The following DCT variants were observed in gnomAD, a reference collection of about 807,000 sequenced individuals.
DCT encodes the protein dopachrome tautomerase, also known as L-dopachrome tautomerase.
A neutral mutation model predicts 53.0 loss-of-function variants in DCT; 47 were observed. That is an observed-to-expected ratio of 0.89 (90% CI 0.70 to 1.13). The LOEUF is 1.13. DCT is among the 50% of genes most tolerant of loss of function. The pLI is 0.00. For synonymous variants in DCT, 244 were observed against 237.0 expected, an observed-to-expected ratio of 1.03 and a Z score of -0.27; for missense variants, 669 against 637.4, an observed-to-expected ratio of 1.05 and a Z score of -0.53.
the DCT span, among the ~76,000 whole-genome samples, chr13:94,540,896 C>A: frequency 6.6e-6 from 1 of 152,158 alleles, no homozygotes; most frequent in Non-Finnish European, 1.5e-5. Flanking sequence ...CAGACTCAAT[C>A]TAAGTGTCCA....
chr13:94,505,505 A>T, the DCT span, among the ~76,000 whole-genome samples: 1 of 152,226 alleles, frequency 6.6e-6, no homozygotes, highest in Non-Finnish European at 1.5e-5. Context: ...TTAGAAAAAC[A>T]AATGTACCTA....
At chr13:94,472,876 C>T (rs181282303) in intron 1 of DCT, among the ~76,000 whole-genome samples, 1 of 151,866 alleles carries the variant, frequency 6.6e-6, no homozygotes, top group African/African-American at 2.4e-5. Context: ...GCCACCGCAC[C>T]CTGCCGTGAG....
chr13:94,464,397 T>A (rs576122994), intron 4 of DCT, among the ~76,000 whole-genome samples: 1 of 152,282 alleles, frequency 6.6e-6, no homozygotes, highest in Admixed American at 6.5e-5. Flanking sequence ...CTCAGCACTT[T>A]GGGAGGCCAA....
chr13:94,487,186 T>A, the DCT span, among the ~76,000 whole-genome samples: 1 of 152,204 alleles, frequency 6.6e-6, no homozygotes, highest in Non-Finnish European at 1.5e-5. Context: ...TGGTTACCAA[T>A]GGAAGCCATC....
chr13:94,501,634 C>CAGAGAGAG, the DCT span, among the ~76,000 whole-genome samples: 12 of 148,712 alleles, frequency 8.1e-5, no homozygotes, highest in African/African-American at 1.5e-4. Flanking sequence ...AAGACAGAGA[C>CAGAGAGAG]AGAGAGAGAG....
intron 6 of DCT, among the ~76,000 whole-genome samples, chr13:94,451,254 C>T (rs1883067760): frequency 6.6e-6 from 1 of 152,164 alleles, no homozygotes; most frequent in Non-Finnish European, 1.5e-5. Context: ...TAAATACATG[C>T]TCACAATGAA....
intron 6 of DCT, among the ~76,000 whole-genome samples, chr13:94,446,381 G>A (rs1017675553): frequency 2.6e-5 from 4 of 152,118 alleles, no homozygotes; most frequent in African/African-American, 9.7e-5. Context: ...AGGTGGGTGG[G>A]GCCTGCAAGC....
At chr13:94,540,748 A>G in the DCT span, among the ~76,000 whole-genome samples, 1 of 152,182 alleles carries the variant, frequency 6.6e-6, no homozygotes, top group African/African-American at 2.4e-5. Flanking sequence ...AGGGTCCTCA[A>G]AAAACAAAAA....
At chr13:94,514,849 T>A in the DCT span, among the ~76,000 whole-genome samples, 1 of 152,214 alleles carries the variant, frequency 6.6e-6, no homozygotes, top group Non-Finnish European at 1.5e-5. Flanking sequence ...CAAAGACTAC[T>A]CTGATGACAG....
At position 94,466,649 on chromosome 13, in the gene DCT, C is replaced by A; in HGVS notation, c.605G>T (p.Arg202Leu). ...SVRDTLLGPG[R>L]PYRAIDFSHQ... The stretch of plus-strand genomic sequence containing the variant: ...TGAGAAATCTATGGCCCTGTAGGGG[C>A]GTCCTGGTCCTGAAACAATTGGGAA... The change falls in exon 3 of 8, where the codon CGC becomes CTC. Residue 202 changes from arginine (R) to leucine (L), a missense_variant. Transcript: ENST00000377028. The A allele has an allele frequency of 6.3e-7, 1 of 1,593,634 alleles. No homozygotes were observed. Among genetic ancestry groups the A allele is most frequent in the Non-Finnish European group, 8.5e-7 (1 of 1,172,286 alleles).
intron 6 of DCT, 134 bp from the exon 7 acceptor site, chr13:94,443,771 C>A (rs1882524946): frequency 7.4e-6 from 5 of 672,528 alleles, no homozygotes; most frequent in Middle Eastern, 4.1e-4. Flanking sequence ...TGTGGAATAC[C>A]CCCTTCTGTG....
chr13:94,471,261 G>A (rs1884628448), intron 1 of DCT, among the ~76,000 whole-genome samples: 1 of 152,064 alleles, frequency 6.6e-6, no homozygotes, highest in African/African-American at 2.4e-5. Context: ...TGTAAGTAGG[G>A]AGAATTTTTT....
At chr13:94,461,164 G>A (rs964754755) in intron 5 of DCT, among the ~76,000 whole-genome samples, 12 of 152,196 alleles carry the variant, frequency 7.9e-5, no homozygotes, top group Non-Finnish European at 1.0e-4. Flanking sequence ...TGAGTTAGGG[G>A]AGTTGTTCTC....
chr13:94,488,423 A>G, the DCT span, among the ~76,000 whole-genome samples: 1 of 152,122 alleles, frequency 6.6e-6, no homozygotes, highest in Non-Finnish European at 1.5e-5. Context: ...GATTTCCAAA[A>G]TATGTTGTCT....
the DCT span, among the ~76,000 whole-genome samples, chr13:94,505,082 C>CA: frequency 6.6e-6 from 1 of 151,668 alleles, no homozygotes; most frequent in Non-Finnish European, 1.5e-5. Context: ...CCTGGTACAC[C>CA]AAAAAAGTTT....
the DCT span, among the ~76,000 whole-genome samples, chr13:94,516,766 G>A: frequency 2.0e-5 from 3 of 152,000 alleles, no homozygotes; most frequent in Non-Finnish European, 2.9e-5. Flanking sequence ...GGCCTCTGCA[G>A]TGAGTTCCCA....
the DCT span, among the ~76,000 whole-genome samples, chr13:94,548,499 A>G: frequency 6.2e-4 from 94 of 152,212 alleles, 1 homozygote; most frequent in Admixed American, 1.0e-3. Context: ...TTCCTACGAC[A>G]CAAATAGATA....
chr13:94,502,869 C>G, the DCT span, among the ~76,000 whole-genome samples: 1 of 152,158 alleles, frequency 6.6e-6, no homozygotes, highest in Non-Finnish European at 1.5e-5. Context: ...CCACTGTGAG[C>G]CTGCCACCCC....
chr13:94,535,195 C>A, the DCT span, among the ~76,000 whole-genome samples: 1 of 152,160 alleles, frequency 6.6e-6, no homozygotes, highest in Non-Finnish European at 1.5e-5. Context: ...ATACTATATA[C>A]CTGTTTTCAT....
Sources: allele counts gnomAD v4.1 joint callset (sites outside exome capture counted in the v4.1 genomes callset), GRCh38; gene constraint gnomAD v4.1.1; transcripts MANE v1.5; gene names NCBI Gene and HGNC (gene_info 2026-07-23, HGNC 2026-07-21).